The following SGMS2 variants were observed in gnomAD, a reference collection of about 807,000 sequenced individuals.
SGMS2 encodes the protein sphingomyelin synthase 2, also known as phosphatidylcholine:ceramide cholinephosphotransferase 2.
Under a neutral mutation model 43.8 loss-of-function variants are expected in SGMS2, and 21 were observed. The ratio of observed to expected loss-of-function variants is 0.48; its 90% confidence interval spans 0.34 to 0.69. The LOEUF (loss-of-function observed/expected upper bound fraction) is 0.69, where lower values mean the gene tolerates loss of function less well. Among genes scored for constraint, SGMS2 ranks in the 30% least tolerant of loss-of-function variants. The pLI is 0.01. For missense variants in SGMS2, 384 were observed against 443.2 expected, an observed-to-expected ratio of 0.87 and a Z score of 1.20; for synonymous variants, 167 against 160.6, an observed-to-expected ratio of 1.04 and a Z score of -0.30.
Position 107,911,605 on chromosome 4 carries a change from G to A in SGMS2, c.*1052G>A, listed in dbSNP as rs1732129152. The A allele has an allele frequency of 6.6e-6, 1 of 152,218 alleles. No individual in the cohort carries two copies. The highest frequency in any genetic ancestry group is 1.5e-5 in the Non-Finnish European group (1 of 68,036). 9.4% of individuals were successfully genotyped at this position (152,218 alleles called of 1,614,324 possible). ...ACCAAGATGGAACCTGAAAGTTAAT[G>A]TATCCTTGCTTTTAGCAAGAGACTC... On this transcript the variant is annotated 3_prime_UTR_variant, in exon 7 of 7. Transcript: ENST00000690982.
At chr4:107,881,335 T>G (rs1729330475) in intron 2 of SGMS2, among the ~76,000 whole-genome samples, 1 of 152,180 alleles carries the variant, frequency 6.6e-6, no homozygotes, top group South Asian at 2.1e-4. Context: ...TCATATGGAA[T>G]GGTACTAGAG....
intron 1 of SGMS2, among the ~76,000 whole-genome samples, chr4:107,827,996 A>C (rs1030492467): frequency 6.6e-6 from 1 of 152,122 alleles, no homozygotes; most frequent in Non-Finnish European, 1.5e-5. Context: ...AAAACAAAAC[A>C]AAACAAAACA....
intron 2 of SGMS2, chr4:107,894,477 G>A (rs953959981): frequency 6.6e-6 from 1 of 152,170 alleles, no homozygotes; most frequent in Non-Finnish European, 1.5e-5. Flanking sequence ...GTGTCGTGGT[G>A]GGTGAGTCCC....
chr4:107,883,113 A>G (rs1283954181), intron 2 of SGMS2, among the ~76,000 whole-genome samples: 1 of 152,196 alleles, frequency 6.6e-6, no homozygotes, highest in African/African-American at 2.4e-5. Flanking sequence ...ACGCCCTTCT[A>G]CTGGAACCCA....
At chr4:107,849,985 G>T (rs749336460) in intron 1 of SGMS2, among the ~76,000 whole-genome samples, 1 of 152,160 alleles carries the variant, frequency 6.6e-6, no homozygotes. Flanking sequence ...CCCAGTATTG[G>T]ATGTGGGGCC....
intron 1 of SGMS2, among the ~76,000 whole-genome samples, chr4:107,836,063 T>C (rs1367695889): frequency 1.3e-5 from 2 of 152,248 alleles, no homozygotes; most frequent in East Asian, 3.8e-4. Context: ...AAATATTATA[T>C]GTAATGTTAC....
chr4:107,833,202 C>T (rs1027857939), intron 1 of SGMS2, among the ~76,000 whole-genome samples: 1 of 152,152 alleles, frequency 6.6e-6, no homozygotes, highest in African/African-American at 2.4e-5. Flanking sequence ...TCTCAGGCCT[C>T]CTGTCCTAAC....
intron 1 of SGMS2, among the ~76,000 whole-genome samples, chr4:107,854,969 A>G (rs1268907287): frequency 2.0e-5 from 3 of 152,158 alleles, no homozygotes; most frequent in South Asian, 2.1e-4. Context: ...CTCCAAACAC[A>G]TATGGAGATA....
At position 107,832,462 on chromosome 4, in the gene SGMS2, AAC is replaced by A. The variant is rs1020832398; in HGVS notation, c.-327+7213_-327+7214del. ...AATTCACTTTAAGGATCCTACTTGA[AAC>A]ACAGGGGGGTTAAGTCACGTACTTA... On this transcript the variant is annotated intron_variant, in intron 1 of 6. Coordinates refer to ENST00000690982, the MANE Select transcript of SGMS2 (RefSeq NM_001375905.1). Among the ~76,000 whole-genome samples, 25 of 152,298 alleles carry A rather than the reference AAC, an allele frequency of 1.6e-4. 1 individual carries two copies. The highest frequency in any genetic ancestry group is 5.5e-4 in the African/African-American group (23 of 41,564).
At chr4:107,888,234 G>A (rs1166472983) in intron 2 of SGMS2, among the ~76,000 whole-genome samples, 1 of 151,856 alleles carries the variant, frequency 6.6e-6, no homozygotes, top group African/African-American at 2.4e-5. Context: ...AACAGGACTT[G>A]GTGTCCTTTT....
intron 2 of SGMS2, among the ~76,000 whole-genome samples, chr4:107,891,468 G>GAC (rs1211758824): frequency 6.6e-6 from 1 of 151,240 alleles, no homozygotes; most frequent in Non-Finnish European, 1.5e-5. Flanking sequence ...TCAGGCTGAA[G>GAC]ACTGCTTTCT....
intron 1 of SGMS2, among the ~76,000 whole-genome samples, chr4:107,832,470 G>T (rs1003368307): frequency 1.3e-5 from 2 of 152,142 alleles, no homozygotes; most frequent in African/African-American, 4.8e-5. Context: ...GAAACACAGG[G>T]GGGTTAAGTC....
intron 2 of SGMS2, among the ~76,000 whole-genome samples, chr4:107,886,477 G>C (rs564501823): frequency 6.8e-6 from 1 of 147,758 alleles, no homozygotes; most frequent in South Asian, 2.1e-4. Context: ...GCCTCCCAAA[G>C]TACTGAAATT....
chr4:107,861,250 A>C (rs1381237516), intron 2 of SGMS2, among the ~76,000 whole-genome samples: 3 of 152,196 alleles, frequency 2.0e-5, no homozygotes, highest in African/African-American at 7.2e-5. Context: ...GGGAACAAAC[A>C]TTCTTCTTTT....
chr4:107,858,115 A>C (rs562313226), intron 1 of SGMS2, among the ~76,000 whole-genome samples: 3 of 151,364 alleles, frequency 2.0e-5, no homozygotes, highest in African/African-American at 7.3e-5. Context: ...CCTGACTCTG[A>C]CTGACTTTTT....
In SGMS2 at chr4:107,825,019, G is replaced by T. The variant is rs1278829913; in HGVS notation, c.-561G>T. ...CTGGCCGGTGCTGCAGCGCCGCCGA[G>T]TGCGGCCTCGGGGGCGGCGGCCGCG... is the stretch of plus-strand genomic sequence containing the variant. On this transcript the variant is annotated 5_prime_UTR_variant, in exon 1 of 7. Coordinates refer to ENST00000690982, the MANE Select transcript of SGMS2 (RefSeq NM_001375905.1). The T allele has an allele frequency of 6.6e-6, 1 of 151,926 alleles. No homozygotes were observed. The highest frequency in any genetic ancestry group is 2.1e-4 in the South Asian group (1 of 4,830). The allele number at this position is 151,926 out of a possible 1,614,324, so 9.4% of individuals were successfully genotyped here.
chr4:107,883,733 T>A (rs1340987269), intron 2 of SGMS2, among the ~76,000 whole-genome samples: 1 of 152,218 alleles, frequency 6.6e-6, no homozygotes, highest in East Asian at 1.9e-4. Context: ...GTTGAAAATA[T>A]GCTTGTAAAA....
chr4:107,841,824 T>C (rs1411869491), intron 1 of SGMS2, among the ~76,000 whole-genome samples: 1 of 143,226 alleles, frequency 7.0e-6, no homozygotes, highest in African/African-American at 2.5e-5. Flanking sequence ...AACTTTTCAA[T>C]TTTTTTTGTA....
rs775892467 is a variant in SGMS2, at chr4:107,895,763, C to G, written c.210C>G (p.Asn70Lys). Residue 70 changes from asparagine (N) to lysine (K), a missense_variant, in exon 3 of 7, where the codon AAC (asparagine) becomes AAG (lysine). Asn to Lys is a moderately conservative substitution (Grantham distance 94, BLOSUM62 0). Transcript: ENST00000690982. Reference sequence around the variant, plus strand: ...TTGCTATGCCCACTGAATCAAGGAACAAATTTCCACTAGAGTGGTGGAAAA... The same window carrying G: ...TTGCTATGCCCACTGAATCAAGGAAGAAATTTCCACTAGAGTGGTGGAAAA... ...IQIAMPTESRNKFPLEWWKTG... is the reference protein window; with the variant it reads ...IQIAMPTESRKKFPLEWWKTG... The G allele has an allele frequency of 2.5e-6, 4 of 1,613,822 alleles. No individual in the cohort carries two copies. The highest frequency in any genetic ancestry group is 1.1e-5 in the South Asian group (1 of 91,076).
Sources: allele counts gnomAD v4.1 joint callset (sites outside exome capture counted in the v4.1 genomes callset), GRCh38; gene constraint gnomAD v4.1.1; transcripts MANE v1.5; gene names NCBI Gene and HGNC (gene_info 2026-07-23, HGNC 2026-07-21).